The following STK39 variants were observed in gnomAD, a reference collection of about 807,000 sequenced individuals.
STK39 encodes serine/threonine kinase 39.
STK39 carries 20 observed loss-of-function variants against 77.8 expected under a neutral mutation model. The ratio of observed to expected loss-of-function variants is 0.26; its 90% CI spans 0.18 to 0.37. The LOEUF (loss-of-function observed/expected upper bound fraction) is 0.37, where lower values mean the gene tolerates loss of function less well. STK39 is among the 10% of genes least tolerant of loss of function. The pLI is 1.00. For missense variants in STK39, 479 were observed against 656.5 expected (o/e 0.73, Z 2.95); for synonymous variants, 246 against 234.1 (o/e 1.05, Z -0.47).
chr2:168,204,713 G>A (rs1002794474), intron 1 of STK39, among the ~76,000 whole-genome samples: 6 of 152,214 alleles, frequency 3.9e-5, no homozygotes, highest in African/African-American at 1.4e-4. Flanking sequence ...CCCCATGCTA[G>A]AGTCTGAATT....
chr2:168,210,912 C>T (rs1335216689), intron 1 of STK39, among the ~76,000 whole-genome samples: 2 of 152,182 alleles, frequency 1.3e-5, no homozygotes, highest in Non-Finnish European at 2.9e-5. Flanking sequence ...AGACAATCTA[C>T]ACAAAATAAT....
chr2:168,222,267 T>C (rs1690192290), intron 1 of STK39, among the ~76,000 whole-genome samples: 2 of 152,198 alleles, frequency 1.3e-5, no homozygotes, highest in African/African-American at 2.4e-5. Context: ...GTCAGCACTT[T>C]AGCATTAATG....
chr2:168,117,426 G>C (rs1227906424), intron 10 of STK39, among the ~76,000 whole-genome samples: 1 of 152,136 alleles, frequency 6.6e-6, no homozygotes, highest in South Asian at 2.1e-4. Context: ...TGGGTACTGA[G>C]AACACAGAGA....
chr2:168,056,474 A>G (rs1484550142), intron 14 of STK39, among the ~76,000 whole-genome samples: 1 of 152,142 alleles, frequency 6.6e-6, no homozygotes, highest in Non-Finnish European at 1.5e-5. Flanking sequence ...AGCATTAGTT[A>G]AGGACTGAGG....
At chr2:168,176,414 A>C (rs1485227582) in intron 2 of STK39, among the ~76,000 whole-genome samples, 2 of 152,204 alleles carry the variant, frequency 1.3e-5, no homozygotes, top group Non-Finnish European at 2.9e-5. Flanking sequence ...TGCATCAGAT[A>C]ATGGTTAGGA....
At chr2:168,095,096 T>C (rs1416598705) in intron 10 of STK39, among the ~76,000 whole-genome samples, 4 of 152,166 alleles carry the variant, frequency 2.6e-5, no homozygotes, top group Non-Finnish European at 4.4e-5. Flanking sequence ...TAGCTGTCTT[T>C]AACAGCTTCT....
chr2:167,956,723 CTCT>C (rs1559032437), intron 17 of STK39, among the ~76,000 whole-genome samples: 13 of 70,064 alleles, frequency 1.9e-4, no homozygotes, highest in African/African-American at 6.9e-4. Flanking sequence ...CTCTCTCTCT[CTCT>C]CTCCCCCCCC....
At chr2:168,132,897 G>A (rs1365170770) in intron 8 of STK39, among the ~76,000 whole-genome samples, 1 of 152,146 alleles carries the variant, frequency 6.6e-6, no homozygotes, top group Non-Finnish European at 1.5e-5. Flanking sequence ...TCAAATATGG[G>A]GGAAAGTGAT....
chr2:167,955,556 A>G lies in STK39; in HGVS notation c.1578T>C (p.Asp526=). The G allele has an allele frequency of 1.2e-6, 2 of 1,613,780 alleles. No individual in the cohort carries two copies. The highest frequency in any genetic ancestry group is 2.2e-5 in the East Asian group (1 of 44,862). ...TCACTTCATCAGGAATCTCCGACCC[A>G]TCACAGCCAGAAGCCTGAAAAGGGA... ...TLTFKLASGC[D]GSEIPDEVKL... The change falls in exon 18 of 18, where the codon GAT becomes GAC. Residue 526 remains aspartate (D), a synonymous_variant. Coordinates refer to ENST00000355999, the MANE Select transcript of STK39 (RefSeq NM_013233.3).
intron 16 of STK39, among the ~76,000 whole-genome samples, chr2:167,985,528 T>C (rs1683535979): frequency 6.6e-6 from 1 of 152,172 alleles, no homozygotes; most frequent in African/African-American, 2.4e-5. Flanking sequence ...TTTGAGAATG[T>C]CTACAGAAGG....
chr2:168,102,046 T>C (rs1221631799), intron 10 of STK39, among the ~76,000 whole-genome samples: 1 of 152,236 alleles, frequency 6.6e-6, no homozygotes, highest in Non-Finnish European at 1.5e-5. Context: ...ATATGGGTCT[T>C]TCTTTCCATT....
chr2:168,023,070 A>C (rs981007977), intron 14 of STK39, among the ~76,000 whole-genome samples: 4 of 152,086 alleles, frequency 2.6e-5, no homozygotes, highest in Non-Finnish European at 4.4e-5. Context: ...ATGTGCCCCC[A>C]TACCTGGCTA....
chr2:168,016,958 A>C lies in STK39; in HGVS notation c.1429+85T>G, dbSNP rs1304068807. 2.8e-6 allele frequency: 3 copies of C among 1,087,220 alleles called. No homozygotes were observed. The African/African-American group carries it at 4.8e-5, about 17-fold the overall frequency. The allele number at this position is 1,087,220 out of a possible 1,614,324, so 67.3% of individuals were successfully genotyped here. A position where few individuals can be genotyped will look rare whatever the true frequency, so the allele number is the denominator to read the frequency against. On this transcript the variant is annotated intron_variant, in intron 15 of 17. Coordinates refer to ENST00000355999, the MANE Select transcript of STK39 (RefSeq NM_013233.3). ...TTCACTATTAAACAAAGCAGTTTTA[A>C]ATAGCAGATTATAACCACATGCTTG...
chr2:168,235,211 T>C (rs1690568693), intron 1 of STK39, among the ~76,000 whole-genome samples: 1 of 152,116 alleles, frequency 6.6e-6, no homozygotes, highest in Non-Finnish European at 1.5e-5. Context: ...CTAATCATTC[T>C]GTATTTTTAG....
intron 6 of STK39, 82 bp downstream of exon 6, chr2:168,140,567 G>T: frequency 8.0e-7 from 1 of 1,247,786 alleles, no homozygotes; most frequent in Non-Finnish European, 1.1e-6. Flanking sequence ...TAAAATGCTA[G>T]ATACAAATGA....
intron 10 of STK39, among the ~76,000 whole-genome samples, chr2:168,121,913 A>G (rs965880017): frequency 6.6e-6 from 1 of 152,178 alleles, no homozygotes; most frequent in Admixed American, 6.5e-5. Context: ...AGCTCACCCA[A>G]CAAAAGATAC....
chr2:167,984,746 G>T (rs900174053), intron 16 of STK39, among the ~76,000 whole-genome samples: 1 of 151,968 alleles, frequency 6.6e-6, no homozygotes, highest in Non-Finnish European at 1.5e-5. Context: ...TGCTGATTGG[G>T]ACTGAACATA....
chr2:168,074,244 C>G (rs1411493882), intron 12 of STK39, among the ~76,000 whole-genome samples: 4 of 152,082 alleles, frequency 2.6e-5, no homozygotes, highest in Admixed American at 6.6e-5. Context: ...CATTTGTAGT[C>G]CAAAGATTTT....
intron 14 of STK39, among the ~76,000 whole-genome samples, chr2:168,045,364 A>AC (rs752784745): frequency 1.3e-3 from 171 of 129,094 alleles, no homozygotes; most frequent in Non-Finnish European, 2.0e-3. Flanking sequence ...CCACCCCCAC[A>AC]CCCCCTGCAG....
Sources: allele counts gnomAD v4.1 joint callset (sites outside exome capture counted in the v4.1 genomes callset), GRCh38; gene constraint gnomAD v4.1.1; transcripts MANE v1.5; gene names NCBI Gene and HGNC (gene_info 2026-07-23, HGNC 2026-07-21).